Variants in PLAC1 observed in about 807,000 individuals in gnomAD.
PLAC1 encodes the protein placenta-specific protein 1.
For synonymous variants in PLAC1, 68 were observed against 62.1 expected, an observed-to-expected ratio of 1.09 and a Z score of -0.44; for missense variants, 136 against 163.2, an observed-to-expected ratio of 0.83 and a Z score of 0.91.
At chrX:134,633,254 A>G (rs552292857) in intron 1 of PLAC1, among the ~76,000 whole-genome samples, 1 of 111,667 alleles carries the variant, frequency 9.0e-6, no homozygotes, top group African/African-American at 3.3e-5. Flanking sequence ...AGCATGATCA[A>G]TGGTTTTGCT....
chrX:134,614,651 T>C (rs2078171042), intron 1 of PLAC1, among the ~76,000 whole-genome samples: 2 of 110,823 alleles, frequency 1.8e-5, no homozygotes, highest in African/African-American at 6.6e-5. Context: ...ATTTTTTATA[T>C]AGAGATAGAG....
intron 1 of PLAC1, among the ~76,000 whole-genome samples, chrX:134,635,851 T>C (rs939315071): frequency 8.9e-6 from 1 of 112,296 alleles, no homozygotes; most frequent in Admixed American, 9.4e-5. Flanking sequence ...CCCAGTGAGA[T>C]AGAAGCTCAT....
upstream of PLAC1, among the ~76,000 whole-genome samples, chrX:134,658,696 G>A (rs1193729946): frequency 1.8e-5 from 2 of 111,699 alleles, no homozygotes; most frequent in African/African-American, 6.5e-5. Context: ...GATACCTACT[G>A]TCATGTGTTA....
At chrX:134,756,341 T>G (rs1569415422) in intron 1 of PLAC1, among the ~76,000 whole-genome samples, 2 of 98,085 alleles carry the variant, frequency 2.0e-5, no homozygotes, top group South Asian at 8.3e-4. Flanking sequence ...TGCCTATATG[T>G]TTTTTTTTTT....
At chrX:134,569,413 T>A (rs2077893914) in intron 2 of PLAC1, among the ~76,000 whole-genome samples, 1 of 111,306 alleles carries the variant, frequency 9.0e-6, no homozygotes, top group African/African-American at 3.3e-5. Flanking sequence ...CACGGCAGAA[T>A]CTCTTTCCTC....
At chrX:134,617,799 A>T (rs140889361) in intron 1 of PLAC1, among the ~76,000 whole-genome samples, 1,178 of 112,125 alleles carry the variant, frequency 0.011, 16 homozygotes, top group African/African-American at 0.035. Context: ...TACTCAATAA[A>T]CTCAATATTC....
intron 2 of PLAC1, among the ~76,000 whole-genome samples, chrX:134,567,353 A>G (rs370367232): frequency 8.9e-6 from 1 of 112,696 alleles, no homozygotes; most frequent in Admixed American, 9.4e-5. Flanking sequence ...AGAGTCCCTG[A>G]TAAATTCTTT....
At chrX:134,667,308 A>G (rs767900865) in intron 2 of PLAC1, among the ~76,000 whole-genome samples, 11 of 112,300 alleles carry the variant, frequency 9.8e-5, no homozygotes, top group Non-Finnish European at 2.1e-4. Context: ...TTACATGCAA[A>G]ACACTTAAGA....
At chrX:134,651,764 G>A (rs1360113217) in intron 1 of PLAC1, among the ~76,000 whole-genome samples, 9 of 97,148 alleles carry the variant, frequency 9.3e-5, no homozygotes, top group Non-Finnish European at 1.2e-4. Context: ...TCATGCCCTC[G>A]GCCTGCCAGT....
At chrX:134,700,692 T>C (rs1310122268) in intron 2 of PLAC1, among the ~76,000 whole-genome samples, 2 of 111,449 alleles carry the variant, frequency 1.8e-5, no homozygotes, top group African/African-American at 6.5e-5. Flanking sequence ...TCATTTACAA[T>C]AGCCACAAAA....
intron 1 of PLAC1, among the ~76,000 whole-genome samples, chrX:134,635,843 C>T (rs2078280909): frequency 8.9e-6 from 1 of 112,244 alleles, no homozygotes; most frequent in Non-Finnish European, 1.9e-5. Flanking sequence ...TTCTTTATCC[C>T]AGTGAGATAG....
At chrX:134,757,539 C>T (rs1233255150) in intron 1 of PLAC1, among the ~76,000 whole-genome samples, 6 of 111,797 alleles carry the variant, frequency 5.4e-5, no homozygotes, top group Non-Finnish European at 1.1e-4. Context: ...TTTGTATGAC[C>T]TTTGATCCTG....
At chrX:134,647,963 CAAG>C (rs1368395025) in intron 1 of PLAC1, among the ~76,000 whole-genome samples, 1 of 111,145 alleles carries the variant, frequency 9.0e-6, no homozygotes, top group Admixed American at 9.6e-5. Flanking sequence ...CCATCGAAAT[CAAG>C]AGATTTTTGA....
At chrX:134,690,611 A>G (rs1014742933) in intron 2 of PLAC1, among the ~76,000 whole-genome samples, 8 of 109,905 alleles carry the variant, frequency 7.3e-5, no homozygotes, top group Non-Finnish European at 1.1e-4. Flanking sequence ...CACCTTTTTT[A>G]TATTTCCAAT....
chrX:134,648,452 G>A (rs1213345687), intron 1 of PLAC1, among the ~76,000 whole-genome samples: 1 of 112,174 alleles, frequency 8.9e-6, no homozygotes, highest in Non-Finnish European at 1.9e-5. Flanking sequence ...TGGGGAGGCC[G>A]AGGTGGGTGG....
chrX:134,742,132 G>C lies in PLAC1; in HGVS notation n.90-8613C>G, dbSNP rs182646762. On this transcript the variant is annotated intron_variant and non_coding_transcript_variant, in intron 1 of 2. Coordinates refer to the PLAC1 transcript ENST00000466797. ...GCAGGCCACTGCTGTCTAAATCCAG[G>C]TATTGAATATGTAAGTTCAAAGAGA... 4.9e-3 allele frequency among the ~76,000 whole-genome samples: 546 copies of C among 112,528 alleles called. 3 individuals carry two copies. Among genetic ancestry groups the C allele is most frequent in the Non-Finnish European group, 6.4e-3 (339 of 53,272 alleles).
chrX:134,710,322 A>G (rs1302947637), intron 2 of PLAC1, among the ~76,000 whole-genome samples: 6 of 111,840 alleles, frequency 5.4e-5, no homozygotes, highest in South Asian at 7.6e-4. Context: ...AAAACTCAAA[A>G]GTTATCAATG....
At chrX:134,582,044 A>G (rs781072218) in intron 2 of PLAC1, among the ~76,000 whole-genome samples, 1 of 112,354 alleles carries the variant, frequency 8.9e-6, no homozygotes, top group African/African-American at 3.2e-5. Flanking sequence ...TTCTGACTGC[A>G]TAGAGGTAGA....
rs141276721 is a variant in PLAC1 at position 134,718,623 on chromosome X, A to T, written n.174+14812T>A. On this transcript the variant is annotated intron_variant and non_coding_transcript_variant, in intron 2 of 2. Coordinates refer to the PLAC1 transcript ENST00000466797. ...CACCCAACAGGAAACCAATTATGAAAGTAGTCTCAGGGCCTGCAGCCCCGC... is the reference window on the plus strand; with the variant it reads ...CACCCAACAGGAAACCAATTATGAATGTAGTCTCAGGGCCTGCAGCCCCGC... 8.0e-3 allele frequency among the ~76,000 whole-genome samples: 895 copies of T among 112,108 alleles called. 7 individuals are homozygous for T. Among genetic ancestry groups the T allele is most frequent in the Non-Finnish European group, 0.01 (558 of 53,179 alleles).
Sources: allele counts gnomAD v4.1 joint callset (sites outside exome capture counted in the v4.1 genomes callset), GRCh38; gene constraint gnomAD v4.1.1; transcripts MANE v1.5; gene names NCBI Gene and HGNC (gene_info 2026-07-23, HGNC 2026-07-21).